The following PRKAR1B variants were observed in gnomAD, a reference collection of about 807,000 sequenced individuals.
PRKAR1B encodes cAMP-dependent protein kinase type I-beta regulatory subunit.
A neutral mutation model predicts 46.5 loss-of-function variants in PRKAR1B; 22 were observed. The observed-to-expected ratio is 0.47, with a 90% confidence interval of 0.34 to 0.68. The LOEUF (loss-of-function observed/expected upper bound fraction) is 0.68, where lower values mean the gene tolerates loss of function less well. Ranked by LOEUF, PRKAR1B falls within the 30% of genes least tolerant of loss-of-function variation. The pLI, the probability that PRKAR1B is intolerant of heterozygous loss-of-function variation, is 0.01. For missense variants in PRKAR1B, 445 were observed against 535.6 expected, an observed-to-expected ratio of 0.83 and a Z score of 1.67; for synonymous variants, 259 against 217.7, an observed-to-expected ratio of 1.19 and a Z score of -1.67.
intron 9 of PRKAR1B, among the ~76,000 whole-genome samples, chr7:573,656 G>C (rs1269062011): frequency 6.6e-6 from 1 of 152,228 alleles, no homozygotes; most frequent in African/African-American, 2.4e-5. Flanking sequence ...TGCCACTGCG[G>C]GGCCTGGCTC....
intron 5 of PRKAR1B, 108 bp from the exon 6 acceptor site, chr7:606,347 A>C: frequency 2.2e-6 from 2 of 903,978 alleles, no homozygotes; most frequent in Non-Finnish European, 3.5e-6. Context: ...CCCTCGAAGC[A>C]ACATCCTGGG....
chr7:598,052 G>A (rs575665210), intron 6 of PRKAR1B, among the ~76,000 whole-genome samples: 13 of 152,302 alleles, frequency 8.5e-5, no homozygotes, highest in African/African-American at 2.2e-4. Flanking sequence ...TCCACAGCAC[G>A]TCGTGCTGCC....
intron 1 of PRKAR1B, among the ~76,000 whole-genome samples, chr7:716,352 G>T (rs568976938): frequency 6.6e-6 from 1 of 151,468 alleles, no homozygotes; most frequent in South Asian, 2.1e-4. Context: ...CACCGCACCC[G>T]GTCCGAAGCC....
intron 1 of PRKAR1B, among the ~76,000 whole-genome samples, chr7:726,164 G>A (rs1424584461): frequency 6.6e-6 from 1 of 152,146 alleles, no homozygotes; most frequent in Non-Finnish European, 1.5e-5. Context: ...CTCTACCTGG[G>A]CAGCGAGTAA....
At chr7:702,410 A>G (rs533585061) in intron 2 of PRKAR1B, among the ~76,000 whole-genome samples, 2 of 152,352 alleles carry the variant, frequency 1.3e-5, no homozygotes, top group South Asian at 4.1e-4. Context: ...ATGAGGTAAG[A>G]TATATAAAAG....
At chr7:557,602 G>A (rs1032717836) in intron 9 of PRKAR1B, among the ~76,000 whole-genome samples, 19 of 152,220 alleles carry the variant, frequency 1.2e-4, no homozygotes, top group African/African-American at 3.9e-4. Flanking sequence ...CAGGGGTGCC[G>A]ACCTCCAGCT....
intron 4 of PRKAR1B, among the ~76,000 whole-genome samples, chr7:656,520 T>C (rs969535546): frequency 2.7e-5 from 4 of 150,908 alleles, no homozygotes; most frequent in Non-Finnish European, 5.9e-5. Flanking sequence ...TGACTAAATG[T>C]ATGGATAAGG....
chr7:559,901 C>G (rs901220913), intron 9 of PRKAR1B, among the ~76,000 whole-genome samples: 29 of 152,170 alleles, frequency 1.9e-4, no homozygotes. Context: ...CATGGCAAGA[C>G]CCCATCTCTA....
At chr7:727,096 G>A in intron 1 of PRKAR1B, 114 bp downstream of exon 1, 1 of 1,067,370 alleles carries the variant, frequency 9.4e-7, no homozygotes, top group Non-Finnish European at 1.1e-6. Flanking sequence ...CGCGCGCTTG[G>A]CCGGCCCCGT....
chr7:664,889 G>C (rs1182842553), intron 4 of PRKAR1B, among the ~76,000 whole-genome samples: 1 of 152,110 alleles, frequency 6.6e-6, no homozygotes, highest in African/African-American at 2.4e-5. Flanking sequence ...ACTCCAGCCT[G>C]AGCAACGGAG....
intron 6 of PRKAR1B, among the ~76,000 whole-genome samples, chr7:598,430 A>ACCCT (rs759658806): frequency 3.9e-5 from 2 of 51,858 alleles, no homozygotes; most frequent in African/African-American, 6.9e-5. Flanking sequence ...AAACACCATC[A>ACCCT]CCCTCCAGCA....
chr7:680,535 C>A (rs1038507284), intron 3 of PRKAR1B, 21 bp downstream of exon 3: 1 of 1,597,066 alleles, frequency 6.3e-7, no homozygotes, highest in Non-Finnish European at 8.5e-7. Context: ...GGACAGGAAC[C>A]CCGTGACCCG....
At chr7:727,963 T>C (rs1163456054), upstream of PRKAR1B, among the ~76,000 whole-genome samples, 1 of 151,912 alleles carries the variant, frequency 6.6e-6, no homozygotes, top group South Asian at 2.1e-4. Context: ...CTTGCAGGAC[T>C]TGCACCTGGT....
chr7:700,926 G>A lies in PRKAR1B; in HGVS notation c.177+10403C>T, dbSNP rs188726206. ...AGGTGGGCAGGGCATCGTGGCTCAC[G>A]CCTGTAATCCCAGCACTTTGGGAGG... On this transcript the variant is annotated intron_variant, in intron 2 of 10. Coordinates refer to ENST00000537384, the MANE Select transcript of PRKAR1B (RefSeq NM_001164760.2). 2.0e-3 allele frequency among the ~76,000 whole-genome samples: 299 copies of A among 152,256 alleles called. 2 individuals are homozygous for A. Among genetic ancestry groups the A allele is most frequent in the South Asian group, 3.7e-3 (18 of 4,826 alleles).
At chr7:588,681 A>ATGGTGGTGATGGTGGTGG (rs201663338) in intron 7 of PRKAR1B, among the ~76,000 whole-genome samples, 4 of 20,216 alleles carry the variant, frequency 2.0e-4, no homozygotes, top group South Asian at 2.9e-3. Flanking sequence ...GGTGATGACG[A>ATGGTGGTGATGGTGGTGG]TGATGGTGAT....
intron 10 of PRKAR1B, 73 bp downstream of exon 10, chr7:551,316 C>T (rs1214877453): frequency 1.2e-5 from 17 of 1,445,974 alleles, no homozygotes; most frequent in Non-Finnish European, 1.6e-5. Context: ...AGCTCCTCAC[C>T]TCCAGGCCCC....
intron 2 of PRKAR1B, among the ~76,000 whole-genome samples, chr7:688,225 A>G (rs1779207543): frequency 6.6e-6 from 1 of 151,792 alleles, no homozygotes; most frequent in African/African-American, 2.4e-5. Context: ...ACATGGCAAA[A>G]CCCCATCTCT....
At chr7:623,806 C>T (rs184296691) in intron 4 of PRKAR1B, among the ~76,000 whole-genome samples, 121 of 152,326 alleles carry the variant, frequency 7.9e-4, no homozygotes, top group African/African-American at 2.7e-3. Context: ...CACTGAATAA[C>T]GTTTTCTTGG....
intron 4 of PRKAR1B, among the ~76,000 whole-genome samples, chr7:634,377 C>T (rs1783924772): frequency 6.6e-6 from 1 of 151,854 alleles, no homozygotes; most frequent in African/African-American, 2.4e-5. Flanking sequence ...ACTCGGGAGG[C>T]TAAGGCGGGA....
Sources: allele counts gnomAD v4.1 joint callset (sites outside exome capture counted in the v4.1 genomes callset), GRCh38; gene constraint gnomAD v4.1.1; transcripts MANE v1.5; gene names NCBI Gene and HGNC (gene_info 2026-07-23, HGNC 2026-07-21).